Variants in NLRC4 observed in about 807,000 individuals in gnomAD.
NLRC4 encodes the protein NLR family CARD domain-containing protein 4.
Under a neutral mutation model 79.9 loss-of-function variants are expected in NLRC4, and 63 were observed. The observed-to-expected ratio is 0.79, with a 90% CI of 0.64 to 0.97. The LOEUF is 0.97. Among genes scored for constraint, NLRC4 ranks in the 50% least tolerant of loss-of-function variants. NLRC4 has a pLI of 0.00. For missense variants in NLRC4, 1,074 were observed against 1,215.2 expected (o/e 0.88, Z 1.73); for synonymous variants, 461 against 456.5 (o/e 1.01, Z -0.12).
At chr2:32,260,246 A>G (rs1308782273) in intron 1 of NLRC4, among the ~76,000 whole-genome samples, 2 of 151,782 alleles carry the variant, frequency 1.3e-5, no homozygotes, top group Admixed American at 6.6e-5. Flanking sequence ...ACGAAAAAAA[A>G]AAAACTAGAG....
At chr2:32,233,150 AAGGAAGG>A (rs1686581367) in intron 8 of NLRC4, among the ~76,000 whole-genome samples, 2 of 35,534 alleles carry the variant, frequency 5.6e-5, no homozygotes, top group African/African-American at 3.8e-4. Flanking sequence ...GGAAGGAAGG[AAGGAAGG>A]AAGGAAGGAA....
chr2:32,241,194 T>A, intron 4 of NLRC4, 69 bp from the exon 5 acceptor site: 1 of 914,832 alleles, frequency 1.1e-6, no homozygotes, highest in South Asian at 1.4e-5. Flanking sequence ...TTACTATTAC[T>A]GTCATTTTTG....
intron 8 of NLRC4, among the ~76,000 whole-genome samples, chr2:32,230,173 A>G (rs1686496758): frequency 1.3e-5 from 2 of 152,202 alleles, no homozygotes; most frequent in Admixed American, 1.3e-4. Flanking sequence ...TATAAGCTCT[A>G]AGGAGAAGGA....
At position 32,250,713 on chromosome 2, in the gene NLRC4, C is replaced by T; in HGVS notation, c.1151G>A (p.Ser384Asn). 1 of 1,614,234 alleles carries T rather than the reference C, an allele frequency of 6.2e-7. No homozygotes were observed. Among genetic ancestry groups the T allele is most frequent in the Non-Finnish European group, 8.5e-7 (1 of 1,180,024 alleles). The change falls in exon 4 of 9, where the codon AGT (serine) becomes AAT (asparagine). Residue 384 changes from serine (S) to asparagine (N), a missense_variant. Transcript: ENST00000402280. The surrounding 1 kb of genome is among the most constrained non-coding windows in gnomAD (Gnocchi z 4.9). ...NKHKHKGVAA[S>N]DFIRSLDHCG... is the part of the protein sequence containing the mutation. ...GTGGTCCAGGCTCCGAATGAAGTCA[C>T]TTGCAGCCACACCTTTATGTTTGTG...
intron 4 of NLRC4, among the ~76,000 whole-genome samples, chr2:32,244,905 A>G (rs544747522): frequency 1.3e-5 from 2 of 150,922 alleles, no homozygotes; most frequent in South Asian, 4.2e-4. Context: ...GGAGGAGGAG[A>G]AGGAGGAGGA....
In NLRC4 at chr2:32,238,016, T is replaced by A. The variant is rs1573477334; in HGVS notation, c.2521+116A>T. On this transcript the variant is annotated intron_variant, in intron 6 of 8. Coordinates refer to ENST00000402280, the MANE Select transcript of NLRC4 (RefSeq NM_001199138.2). ...TCTGCTTATTATCGAGAAGTTTTTA[T>A]TTTCCAGTTTTCCTTAAAATTAAAT... 3 of 719,420 alleles carry A rather than the reference T, an allele frequency of 4.2e-6. No homozygotes were observed. The East Asian group carries it at 9.1e-5, about 22-fold the overall frequency. 44.6% of individuals were successfully genotyped at this position (719,420 alleles called of 1,614,324 possible).
At chr2:32,244,777 A>G (rs1331320909) in intron 4 of NLRC4, among the ~76,000 whole-genome samples, 2 of 150,878 alleles carry the variant, frequency 1.3e-5, no homozygotes, top group Non-Finnish European at 3.0e-5. Context: ...CAGGAGTTCA[A>G]GACTGGCCTT....
rs547388869 is a variant in NLRC4, at chr2:32,258,347, T to A, written c.-118-1454A>T. 2.6e-5 allele frequency among the ~76,000 whole-genome samples: 4 copies of A among 152,142 alleles called. No homozygotes were observed. The South Asian group carries it at 6.2e-4, about 24-fold the overall frequency. On this transcript the variant is annotated intron_variant, in intron 1 of 8. Transcript: ENST00000402280. ...CCGCTTGTGTGTCTGCCTGCAAGGG[T>A]CTCTGGGATTTTTATAAGCATAGGA... is the stretch of plus-strand genomic sequence containing the variant.
intron 1 of NLRC4, among the ~76,000 whole-genome samples, chr2:32,262,929 T>G (rs2148949923): frequency 6.6e-6 from 1 of 150,920 alleles, no homozygotes; most frequent in East Asian, 1.9e-4. Context: ...AATAATATAA[T>G]AATATATATT....
chr2:32,262,143 A>C (rs1687368264), intron 1 of NLRC4, among the ~76,000 whole-genome samples: 1 of 152,176 alleles, frequency 6.6e-6, no homozygotes, highest in African/African-American at 2.4e-5. Flanking sequence ...AGCTTAAGCA[A>C]GGGCACATTT....
At chr2:32,244,988 G>A (rs990854345) in intron 4 of NLRC4, among the ~76,000 whole-genome samples, 9 of 151,542 alleles carry the variant, frequency 5.9e-5, no homozygotes, top group Non-Finnish European at 7.4e-5. Context: ...TGGTCCCAGC[G>A]ACTTAGGAGG....
At chr2:32,234,259 G>C (rs1057415404) in intron 8 of NLRC4, among the ~76,000 whole-genome samples, 1 of 152,000 alleles carries the variant, frequency 6.6e-6, no homozygotes, top group Admixed American at 6.6e-5. Flanking sequence ...GCTGGCGCCT[G>C]TGGTCCCAGC....
intron 1 of NLRC4, among the ~76,000 whole-genome samples, chr2:32,262,255 C>T (rs774587757): frequency 9.2e-5 from 14 of 152,034 alleles, no homozygotes; most frequent in Non-Finnish European, 1.3e-4. Flanking sequence ...CAGTGAATGG[C>T]GGCAACTGTA....
chr2:32,228,398 C>A (rs570741971), intron 8 of NLRC4, among the ~76,000 whole-genome samples: 1 of 152,162 alleles, frequency 6.6e-6, no homozygotes, highest in Non-Finnish European at 1.5e-5. Context: ...GTTAGCCTGT[C>A]AAAAATTCAC....
In NLRC4 at chr2:32,251,294, C is replaced by T. The variant is rs1427389272; in HGVS notation, c.570G>A (p.Lys190=). ...QRIAMLWGSG[K]CKALTKFKFV... ...ATTTGAACTTGGTCAGAGCCTTGCA[C>T]TTTCCGGAGCCCCAGAGCATGGCAA... The change falls in exon 4 of 9, where the codon AAG becomes AAA. Residue 190 remains lysine (K), a synonymous_variant. Coordinates refer to ENST00000402280, the MANE Select transcript of NLRC4 (RefSeq NM_001199138.2). 1 of 1,614,034 alleles carries T rather than the reference C, an allele frequency of 6.2e-7. No homozygotes were observed. The highest frequency in any genetic ancestry group is 8.5e-7 in the Non-Finnish European group (1 of 1,180,032).
chr2:32,234,773 TGA>T (rs1300144243), intron 8 of NLRC4, among the ~76,000 whole-genome samples: 1 of 152,246 alleles, frequency 6.6e-6, no homozygotes, highest in African/African-American at 2.4e-5. Context: ...GCCCCTCTCA[TGA>T]GAGAGGTCAA....
chr2:32,243,411 AAAAG>A (rs1686852200), intron 4 of NLRC4, among the ~76,000 whole-genome samples: 2 of 151,988 alleles, frequency 1.3e-5, no homozygotes, highest in Admixed American at 6.6e-5. Flanking sequence ...CCCCATCTCG[AAAAG>A]AAAGAAAGAA....
intron 8 of NLRC4, among the ~76,000 whole-genome samples, chr2:32,233,780 T>C (rs1445908558): frequency 1.3e-5 from 2 of 152,206 alleles, no homozygotes; most frequent in Non-Finnish European, 2.9e-5. Flanking sequence ...GATGAAATGC[T>C]CTATAAATAT....
In NLRC4 at chr2:32,250,025, T is replaced by G. The variant is rs763616041; in HGVS notation, c.1839A>C (p.Lys613Asn). 1.9e-6 allele frequency: 3 copies of G among 1,614,062 alleles called. No homozygotes were observed. In the Admixed American group the frequency reaches 5.0e-5, roughly 27 times the overall value. ...CCATAGCTCCCCCATAAAAGTCCAG[T>G]TTAATGAAGTCCAGGGCACTTGCAC... ...PNCASALDFI[K>N]LDFYGGAMAS... The change falls in exon 4 of 9, where the codon AAA (lysine) becomes AAC (asparagine). Residue 613 changes from lysine (K) to asparagine (N), a missense_variant. Lys to Asn is a moderately conservative substitution (Grantham distance 94). Transcript: ENST00000402280. This position sits in a 1 kb window ranked among gnomAD's most constrained non-coding sequence, Gnocchi z 4.9.
Sources: allele counts gnomAD v4.1 joint callset (sites outside exome capture counted in the v4.1 genomes callset), GRCh38; gene constraint gnomAD v4.1.1; non-coding constraint Gnocchi (gnomAD v3.1); transcripts MANE v1.5; gene names NCBI Gene and HGNC (gene_info 2026-07-23, HGNC 2026-07-21).